NEK10: variants seen among roughly 807,000 people sequenced by gnomAD.
NEK10 encodes NIMA related kinase 10.
In NEK10, 122 loss-of-function variants were observed where a neutral mutation model predicts 159.8. The ratio of observed to expected loss-of-function variants is 0.76; its 90% CI spans 0.66 to 0.89. NEK10 has a LOEUF of 0.89. Ranked by LOEUF, NEK10 falls within the 40% of genes least tolerant of loss-of-function variation. NEK10 has a pLI of 0.00. For synonymous variants in NEK10, 466 were observed against 457.1 expected, an observed-to-expected ratio of 1.02 and a Z score of -0.25; for missense variants, 1,342 against 1,323.1, an observed-to-expected ratio of 1.01 and a Z score of -0.22.
intron 22 of NEK10, among the ~76,000 whole-genome samples, chr3:27,282,213 C>T (rs558794264): frequency 2.8e-4 from 42 of 152,032 alleles, no homozygotes; most frequent in Non-Finnish European, 2.8e-4. Context: ...AAAGTGGAGA[C>T]GTGGCCATTT....
At chr3:27,310,699 C>A in intron 9 of NEK10, 1 of 363,032 alleles carries the variant, frequency 2.8e-6, no homozygotes, top group Non-Finnish European at 4.9e-6. Context: ...AGTAATAAAC[C>A]TAGTTGGTAT....
In NEK10 at chr3:27,192,104, T is replaced by C. The variant is rs535785235; in HGVS notation, c.2430A>G (p.Arg810=). 5 of 1,614,196 alleles carry C rather than the reference T, an allele frequency of 3.1e-6. No individual in the cohort carries two copies. In the East Asian group the frequency reaches 8.9e-5, roughly 29 times the overall value. The change falls in exon 26 of 36, where the codon AGA becomes AGG. Residue 810 remains arginine (R), a synonymous_variant. Transcript: ENST00000691995. ...CTTCCATAAAATACCTTTGTGTGCG[T>C]CTTCGTTCCCGTTCTAGCTTCTTTT... ...SLEKKLERER[R]RTQRYFMEAN...
chr3:27,310,576 A>G (rs2044612056), intron 9 of NEK10: 1 of 160,674 alleles, frequency 6.2e-6, no homozygotes, highest in East Asian at 1.8e-4. Context: ...CCCACATGCC[A>G]TATGGAATTT....
Position 27,333,469 on chromosome 3 carries a change from C to T in NEK10, c.362+10803G>A, listed in dbSNP as rs140738961. ...TCTGAGGCAGGAGAATCACTCAAAC[C>T]CAGGAGGCAGAAGTCGCAGTGAGCC... On this transcript the variant is annotated intron_variant, in intron 5 of 35. Coordinates refer to ENST00000691995, the MANE Select transcript of NEK10 (RefSeq NM_001394966.1). Among the ~76,000 whole-genome samples the T allele has an allele frequency of 5.8e-3, 878 of 151,870 alleles. 8 individuals carry two copies. Among genetic ancestry groups the T allele is most frequent in the African/African-American group, 0.02 (843 of 41,350 alleles).
At chr3:27,231,265 A>G (rs1953232586) in intron 23 of NEK10, among the ~76,000 whole-genome samples, 1 of 151,702 alleles carries the variant, frequency 6.6e-6, no homozygotes, top group Admixed American at 6.6e-5. Context: ...TGAATGATTA[A>G]TCAATATGAA....
intron 23 of NEK10, among the ~76,000 whole-genome samples, chr3:27,251,532 C>T (rs1387557492): frequency 3.3e-5 from 5 of 152,172 alleles, no homozygotes; most frequent in African/African-American, 1.2e-4. Flanking sequence ...TATGCCTGCT[C>T]CCCCTTCACC....
intron 23 of NEK10, chr3:27,215,632 T>A (rs149825031): frequency 7.3e-4 from 348 of 473,846 alleles, no homozygotes; most frequent in African/African-American, 5.8e-3. Context: ...CTTTATTTTG[T>A]TTATCACATT....
intron 29 of NEK10, among the ~76,000 whole-genome samples, chr3:27,165,074 C>T (rs991361485): frequency 6.6e-6 from 1 of 152,138 alleles, no homozygotes; most frequent in Admixed American, 6.6e-5. Flanking sequence ...ATTACACATT[C>T]ATTCATTCAT....
intron 26 of NEK10, among the ~76,000 whole-genome samples, chr3:27,186,364 G>A (rs541937328): frequency 3.9e-5 from 6 of 152,334 alleles, no homozygotes; most frequent in African/African-American, 1.2e-4. Flanking sequence ...AGAAAAAGAA[G>A]GATATAATAG....
At chr3:27,119,649 A>G in intron 33 of NEK10, 111 bp downstream of exon 33, 1 of 777,062 alleles carries the variant, frequency 1.3e-6, no homozygotes, top group Non-Finnish European at 2.1e-6. Context: ...ATAAATAATC[A>G]AAACAAGCTC....
chr3:27,197,519 C>G, intron 25 of NEK10, among the ~76,000 whole-genome samples: 1 of 152,060 alleles, frequency 6.6e-6, no homozygotes, highest in East Asian at 1.9e-4. Flanking sequence ...ATGACTTAGC[C>G]CCAGGTAGGC....
intron 31 of NEK10, among the ~76,000 whole-genome samples, chr3:27,136,103 A>ATTTTTTTTTTTTTTTTTTTTTTTTTTTT (rs775843715): frequency 1.6e-5 from 1 of 60,680 alleles, no homozygotes. Flanking sequence ...TAGGAGATCG[A>ATTTTTTTTTTTTTTTTTTTTTTTTTTTT]TTTTTTTTTT....
intron 7 of NEK10, among the ~76,000 whole-genome samples, chr3:27,312,650 G>C (rs1413778229): frequency 1.3e-5 from 2 of 152,154 alleles, no homozygotes; most frequent in Non-Finnish European, 2.9e-5. Flanking sequence ...AGAATAAAAT[G>C]CGTACTGAGT....
intron 23 of NEK10, among the ~76,000 whole-genome samples, chr3:27,246,299 G>T (rs895893882): frequency 3.9e-5 from 6 of 152,072 alleles, no homozygotes; most frequent in African/African-American, 1.4e-4. Context: ...GGGGTTTGTT[G>T]CAGATTATTT....
At chr3:27,138,457 T>C (rs1943447923) in intron 31 of NEK10, among the ~76,000 whole-genome samples, 1 of 152,190 alleles carries the variant, frequency 6.6e-6, no homozygotes, top group East Asian at 1.9e-4. Flanking sequence ...AATTCTATAT[T>C]TGTTCCTTTC....
intron 25 of NEK10, among the ~76,000 whole-genome samples, chr3:27,195,316 A>C (rs1012521834): frequency 6.6e-6 from 1 of 152,188 alleles, no homozygotes; most frequent in African/African-American, 2.4e-5. Context: ...TTGTTGCTTT[A>C]AGAAAATACA....
At chr3:27,334,602 C>A (rs1575797620) in intron 5 of NEK10, among the ~76,000 whole-genome samples, 1 of 152,148 alleles carries the variant, frequency 6.6e-6, no homozygotes, top group African/African-American at 2.4e-5. Flanking sequence ...ACAGCCTAAG[C>A]CACTGGGGAA....
chr3:27,271,011 G>A (rs1398944278), intron 22 of NEK10, among the ~76,000 whole-genome samples: 2 of 151,982 alleles, frequency 1.3e-5, no homozygotes, highest in Non-Finnish European at 2.9e-5. Context: ...TTTCTAACTA[G>A]TATGAAAGAT....
intron 22 of NEK10, among the ~76,000 whole-genome samples, chr3:27,273,289 CCATAAG>C (rs1413983921): frequency 1.3e-5 from 2 of 152,124 alleles, no homozygotes; most frequent in African/African-American, 4.8e-5. Flanking sequence ...CAGCACTTGA[CCATAAG>C]CATCTTGGTG....
Sources: gnomAD v4.1 joint callset for allele counts (sites outside exome capture counted in the v4.1 genomes callset) on GRCh38, gnomAD v4.1.1 for gene constraint, MANE v1.5 for transcripts, NCBI Gene and HGNC (gene_info 2026-07-23, HGNC 2026-07-21) for gene names.